Variants in ROPN1L observed in about 807,000 individuals in gnomAD.
ROPN1L encodes rhophilin associated tail protein 1 like.
Under a neutral mutation model 22.7 loss-of-function variants are expected in ROPN1L, and 23 were observed. The observed-to-expected ratio is 1.01, with a 90% CI of 0.73 to 1.43. The LOEUF (loss-of-function observed/expected upper bound fraction) is 1.43. Ranked by LOEUF, ROPN1L falls within the 40% of genes most tolerant of loss-of-function variation. The pLI, the probability that ROPN1L is intolerant of heterozygous loss-of-function variation, is 0.00. For missense variants in ROPN1L, 271 were observed against 291.5 expected (o/e 0.93, Z 0.51); for synonymous variants, 116 against 117.8 (o/e 0.98, Z 0.10).
rs1561170899 is a variant in ROPN1L at position 10,451,969 on chromosome 5, T to TATCTA, written c.417+1857_417+1861dup. 2.0e-3 allele frequency among the ~76,000 whole-genome samples: 300 copies of TATCTA among 151,310 alleles called. 2 individuals are homozygous for TATCTA. The highest frequency in any genetic ancestry group is 7.0e-3 in the African/African-American group (288 of 41,190). Reference sequence around the variant, plus strand: ...TATCTATCTGTCTATCTATCTAATCTATCTATCTATATCTGTATCTAGCTA... The same window carrying TATCTA: ...TATCTATCTGTCTATCTATCTAATCTATCTAATCTATCTATATCTGTATCTAGCTA... On this transcript the variant is annotated intron_variant, in intron 3 of 4. Transcript: ENST00000274134.
chr5:10,452,242 G>A (rs1323898272), intron 3 of ROPN1L, among the ~76,000 whole-genome samples: 1 of 151,146 alleles, frequency 6.6e-6, no homozygotes, highest in Non-Finnish European at 1.5e-5. Context: ...CAGGTTCTGG[G>A]ATTATAGATT....
chr5:10,444,360 G>A (rs1250566831), intron 1 of ROPN1L, among the ~76,000 whole-genome samples: 3 of 151,978 alleles, frequency 2.0e-5, no homozygotes, highest in Non-Finnish European at 2.9e-5. Flanking sequence ...GCGAGATCTC[G>A]GCTCACGGCA....
the ROPN1L span, among the ~76,000 whole-genome samples, chr5:10,482,467 T>A: frequency 6.6e-6 from 1 of 152,156 alleles, no homozygotes; most frequent in Non-Finnish European, 1.5e-5. Flanking sequence ...TTTGATAACA[T>A]CAATGTCATG....
At chr5:10,462,963 T>C (rs1473806275) in intron 4 of ROPN1L, among the ~76,000 whole-genome samples, 4 of 152,222 alleles carry the variant, frequency 2.6e-5, no homozygotes, top group Non-Finnish European at 5.9e-5. Flanking sequence ...TTCTCCACAA[T>C]GAAACGTAGA....
At chr5:10,459,729 G>GA (rs1284183025) in intron 3 of ROPN1L, among the ~76,000 whole-genome samples, 1 of 152,152 alleles carries the variant, frequency 6.6e-6, no homozygotes, top group African/African-American at 2.4e-5. Flanking sequence ...CCACCCGATT[G>GA]AAAATGTCAT....
At chr5:10,453,627 C>G (rs763168171) in intron 3 of ROPN1L, among the ~76,000 whole-genome samples, 1 of 152,192 alleles carries the variant, frequency 6.6e-6, no homozygotes. Context: ...CCTGCGTGAG[C>G]GGGATAGATG....
intron 1 of ROPN1L, among the ~76,000 whole-genome samples, chr5:10,443,599 G>A (rs1349965556): frequency 1.3e-5 from 2 of 151,376 alleles, no homozygotes; most frequent in Admixed American, 6.6e-5. Context: ...TCCGCAGTCC[G>A]GCCCGGGCGA....
At position 10,442,179 on chromosome 5, in the gene ROPN1L, C is replaced by G; in HGVS notation, c.12C>G (p.Pro4=). The stretch of plus-strand genomic sequence containing the variant: ...TTCTGCGGAGAGCGATGCCGCTTCC[C>G]GACACCATGTTCTGCGCTCAGCAGA... MPL[P]DTMFCAQQIH... is the part of the protein sequence containing the mutation. The change falls in exon 1 of 5, where the codon CCC becomes CCG. Residue 4 remains proline (P), a synonymous_variant. Transcript: ENST00000274134. 1 of 1,613,530 alleles carries G rather than the reference C, an allele frequency of 6.2e-7. No homozygotes were observed. The highest frequency in any genetic ancestry group is 8.5e-7 in the Non-Finnish European group (1 of 1,179,714).
At chr5:10,461,054 G>A in intron 3 of ROPN1L, 130 bp from the exon 4 acceptor site, 1 of 765,588 alleles carries the variant, frequency 1.3e-6, no homozygotes, top group Non-Finnish European at 2.0e-6. Context: ...TCTCAGTTCA[G>A]ATGGAGCACA....
At chr5:10,451,848 A>G (rs1057123768) in intron 3 of ROPN1L, among the ~76,000 whole-genome samples, 3 of 152,238 alleles carry the variant, frequency 2.0e-5, no homozygotes, top group Non-Finnish European at 2.9e-5. Context: ...TCTCAGGGGT[A>G]TTATCAAGAT....
intron 1 of ROPN1L, among the ~76,000 whole-genome samples, chr5:10,446,016 G>A (rs1738470528): frequency 6.6e-6 from 1 of 152,212 alleles, no homozygotes; most frequent in African/African-American, 2.4e-5. Flanking sequence ...TTTCAGGTGG[G>A]CAAATATCAA....
At chr5:10,443,106 G>A (rs1051696924) in intron 1 of ROPN1L, among the ~76,000 whole-genome samples, 8 of 152,124 alleles carry the variant, frequency 5.3e-5, no homozygotes, top group Non-Finnish European at 7.3e-5. Flanking sequence ...TGTAATCCCA[G>A]CACTTTGGGA....
intron 1 of ROPN1L, among the ~76,000 whole-genome samples, chr5:10,443,125 T>G (rs1229123130): frequency 1.3e-5 from 2 of 148,978 alleles, no homozygotes; most frequent in African/African-American, 5.0e-5. Flanking sequence ...GAGGCCAAGC[T>G]GGGAGGATCA....
intron 3 of ROPN1L, among the ~76,000 whole-genome samples, chr5:10,458,554 C>G (rs1249899152): frequency 1.1e-5 from 1 of 91,860 alleles, no homozygotes; most frequent in East Asian, 4.4e-4. Flanking sequence ...TGTACACCAT[C>G]CCCCCCATGT....
At chr5:10,447,282 C>T (rs1244668361) in intron 1 of ROPN1L, among the ~76,000 whole-genome samples, 1 of 152,192 alleles carries the variant, frequency 6.6e-6, no homozygotes, top group African/African-American at 2.4e-5. Flanking sequence ...TCTTGCCTGG[C>T]ACCCCTCCCA....
At chr5:10,461,520 C>T (rs144252296) in intron 4 of ROPN1L, 161 bp downstream of exon 4, 200 of 657,206 alleles carry the variant, frequency 3.0e-4, no homozygotes, top group African/African-American at 1.9e-3. Flanking sequence ...GAGGTTTTTC[C>T]TCACCAAAAA....
chr5:10,474,298 A>G (rs1735290006), downstream of ROPN1L, among the ~76,000 whole-genome samples: 1 of 152,074 alleles, frequency 6.6e-6, no homozygotes, highest in African/African-American at 2.4e-5. Context: ...CCTTGAGTGT[A>G]GGTAGGTCTG....
chr5:10,463,550 C>T (rs1051928244), intron 4 of ROPN1L, among the ~76,000 whole-genome samples: 5 of 152,192 alleles, frequency 3.3e-5, no homozygotes, highest in African/African-American at 9.7e-5. Context: ...GAGATGGGGT[C>T]CCTGAGGTCT....
chr5:10,444,968 A>G (rs1473238576), intron 1 of ROPN1L, among the ~76,000 whole-genome samples: 2 of 152,064 alleles, frequency 1.3e-5, no homozygotes, highest in Admixed American at 6.5e-5. Flanking sequence ...AATTTCTCTC[A>G]AGAGCCATTT....
Sources: allele counts gnomAD v4.1 joint callset (sites outside exome capture counted in the v4.1 genomes callset), GRCh38; gene constraint gnomAD v4.1.1; transcripts MANE v1.5; gene names NCBI Gene and HGNC (gene_info 2026-07-23, HGNC 2026-07-21).